PDE4D: variants seen among roughly 807,000 people sequenced by gnomAD.
The protein encoded by PDE4D is phosphodiesterase 4D.
A neutral mutation model predicts 87.4 loss-of-function variants in PDE4D; 24 were observed. That is an observed-to-expected ratio of 0.27 (90% CI 0.20 to 0.39). PDE4D has a LOEUF of 0.39. PDE4D is among the 10% of genes least tolerant of loss of function. The probability of loss-of-function intolerance (pLI) is 1.00; values close to 1 mark genes in which losing one functional copy is unlikely to be tolerated. For missense variants in PDE4D, 714 were observed against 1,041.0 expected, an observed-to-expected ratio of 0.69 and a Z score of 4.32; for synonymous variants, 384 against 383.2, an observed-to-expected ratio of 1.00 and a Z score of -0.02.
chr5:59,710,874 G>A (rs377467942), intron 1 of PDE4D, among the ~76,000 whole-genome samples: 212 of 152,214 alleles, frequency 1.4e-3, no homozygotes, highest in African/African-American at 4.9e-3. Context: ...GCATACGGTA[G>A]GAATTTTACA....
chr5:60,165,172 G>T (rs900833478), intron 2 of PDE4D, among the ~76,000 whole-genome samples: 2 of 152,116 alleles, frequency 1.3e-5, no homozygotes, highest in African/African-American at 4.8e-5. Flanking sequence ...CTAACATGAG[G>T]TTCTCCAGGT....
intron 1 of PDE4D, among the ~76,000 whole-genome samples, chr5:59,386,481 C>T (rs1787021225): frequency 6.6e-6 from 1 of 151,954 alleles, no homozygotes; most frequent in South Asian, 2.1e-4. Flanking sequence ...GACCATTCCC[C>T]TGTAGACGGC....
chr5:60,516,169 T>C (rs560921986), intron 1 of PDE4D, among the ~76,000 whole-genome samples: 31 of 152,334 alleles, frequency 2.0e-4, no homozygotes, highest in African/African-American at 7.5e-4. Context: ...ATAATCAATA[T>C]ATCAATGTAA....
intron 2 of PDE4D, among the ~76,000 whole-genome samples, chr5:60,009,355 A>G (rs2152843635): frequency 6.6e-6 from 1 of 152,108 alleles, no homozygotes; most frequent in East Asian, 1.9e-4. Context: ...AGATCCATTG[A>G]AGAACTTTTC....
intron 1 of PDE4D, among the ~76,000 whole-genome samples, chr5:60,498,038 C>A (rs556233418): frequency 6.6e-6 from 1 of 152,034 alleles, no homozygotes; most frequent in Non-Finnish European, 1.5e-5. Flanking sequence ...GTTGTTTAGC[C>A]GAAAAGAAAC....
chr5:59,133,808 A>C (rs1009011204), intron 5 of PDE4D, among the ~76,000 whole-genome samples: 12 of 152,144 alleles, frequency 7.9e-5, no homozygotes, highest in African/African-American at 2.9e-4. Flanking sequence ...TGAGATGGAC[A>C]AAGGCTCTGT....
chr5:59,784,960 C>T (rs770414428), intron 1 of PDE4D, among the ~76,000 whole-genome samples: 5 of 152,136 alleles, frequency 3.3e-5, no homozygotes, highest in African/African-American at 4.8e-5. Flanking sequence ...TGCCTTTTGC[C>T]TTCCACCATG....
intron 1 of PDE4D, among the ~76,000 whole-genome samples, chr5:59,435,781 T>C (rs971317263): frequency 6.6e-6 from 1 of 152,216 alleles, no homozygotes; most frequent in African/African-American, 2.4e-5. Context: ...TGAACTCCCT[T>C]CTCAGTTACT....
intron 2 of PDE4D, among the ~76,000 whole-genome samples, chr5:59,203,631 A>G (rs184647480): frequency 3.1e-4 from 47 of 152,230 alleles, no homozygotes; most frequent in Middle Eastern, 3.4e-3. Context: ...ATATACACAC[A>G]CACACACACA....
intron 2 of PDE4D, among the ~76,000 whole-genome samples, chr5:60,104,381 C>T (rs1194852725): frequency 6.6e-6 from 1 of 152,250 alleles, no homozygotes; most frequent in Non-Finnish European, 1.5e-5. Context: ...GTGGAGCCCA[C>T]CACAGCTCAA....
At chr5:59,527,976 T>C (rs1346024035) in intron 1 of PDE4D, among the ~76,000 whole-genome samples, 1 of 152,168 alleles carries the variant, frequency 6.6e-6, no homozygotes, top group Non-Finnish European at 1.5e-5. Context: ...ACTCCTCAAC[T>C]CCTTTTTTGT....
At chr5:59,892,673 C>A (rs1197941617) in intron 1 of PDE4D, among the ~76,000 whole-genome samples, 2 of 152,018 alleles carry the variant, frequency 1.3e-5, no homozygotes, top group African/African-American at 2.4e-5. Flanking sequence ...TCTCACTCCC[C>A]CCTCCTCCCC....
intron 2 of PDE4D, among the ~76,000 whole-genome samples, chr5:60,019,964 C>G (rs552489237): frequency 6.6e-6 from 1 of 152,192 alleles, no homozygotes; most frequent in East Asian, 1.9e-4. Context: ...CCTATTTCAG[C>G]TTTCAACGTG....
intron 1 of PDE4D, among the ~76,000 whole-genome samples, chr5:59,493,077 A>G (rs915956301): frequency 3.4e-4 from 51 of 152,166 alleles, no homozygotes; most frequent in African/African-American, 1.2e-3. Context: ...AGAGGTGTCC[A>G]TTGGCTAAAA....
intron 1 of PDE4D, among the ~76,000 whole-genome samples, chr5:59,859,668 G>T (rs1425839553): frequency 6.6e-6 from 1 of 152,150 alleles, no homozygotes; most frequent in African/African-American, 2.4e-5. Flanking sequence ...TTTTGTGAGT[G>T]TTAAAAGGAT....
At chr5:60,435,202 A>C (rs1357677460) in intron 1 of PDE4D, among the ~76,000 whole-genome samples, 2 of 152,226 alleles carry the variant, frequency 1.3e-5, no homozygotes, top group Non-Finnish European at 2.9e-5. Flanking sequence ...GGGAATTACT[A>C]GAACAATGTG....
At chr5:59,771,475 AAGAAAGAAAG>A (rs1272984003) in intron 1 of PDE4D, among the ~76,000 whole-genome samples, 20 of 79,282 alleles carry the variant, frequency 2.5e-4, no homozygotes, top group African/African-American at 5.4e-4. Context: ...GAAAGAAAGA[AAGAAAGAAAG>A]AGAGAGAGAG....
In PDE4D at chr5:60,230,182, TA is replaced by T. The variant is rs370552744; in HGVS notation, c.-89-44496del. ...ATTATGAAAGGCTTAAATTCAATTT[TA>T]AAAAACAATGATTTTAAAGTGAGAA... On this transcript the variant is annotated intron_variant, in intron 1 of 16. Coordinates refer to the PDE4D transcript ENST00000502484. Among the ~76,000 whole-genome samples, 938 of 152,238 alleles carry T rather than the reference TA, an allele frequency of 6.2e-3. 7 individuals carry two copies. The highest frequency in any genetic ancestry group is 0.01 in the Middle Eastern group (3 of 294).
chr5:59,019,545 C>G (rs1754678446), intron 6 of PDE4D, among the ~76,000 whole-genome samples: 1 of 152,144 alleles, frequency 6.6e-6, no homozygotes, highest in South Asian at 2.1e-4. Context: ...TCCAGAGAGG[C>G]TCACTCCTCC....
Sources: gnomAD v4.1 joint callset for allele counts (sites outside exome capture counted in the v4.1 genomes callset) on GRCh38, gnomAD v4.1.1 for gene constraint, MANE v1.5 for transcripts, NCBI Gene and HGNC (gene_info 2026-07-23, HGNC 2026-07-21) for gene names.